Variants in NIPAL3 observed in about 807,000 individuals in gnomAD.
NIPAL3 encodes NIPA-like protein 3.
A neutral mutation model predicts 47.2 loss-of-function variants in NIPAL3; 41 were observed. That is an observed-to-expected ratio of 0.87 (90% confidence interval 0.68 to 1.13). NIPAL3 has a LOEUF of 1.13. NIPAL3 is among the 50% of genes most tolerant of loss of function. The pLI is 0.00. For synonymous variants in NIPAL3, 194 were observed against 209.6 expected (o/e 0.93, Z 0.64); for missense variants, 449 against 530.1 (o/e 0.85, Z 1.50).
rs1025012432 is a variant in NIPAL3, at chr1:24,425,281, T to C, written c.93+5641T>C. 4.6e-5 allele frequency among the ~76,000 whole-genome samples: 7 copies of C among 151,902 alleles called. No homozygotes were observed. In the South Asian group the frequency reaches 1.5e-3, roughly 32 times the overall value. On this transcript the variant is annotated intron_variant, in intron 2 of 11. Coordinates refer to ENST00000374399, the MANE Select transcript of NIPAL3 (RefSeq NM_020448.5). ...CTTTGAATGCAGCCCAACACAAATTTATAAACTTTCTTAAAACATTATGAG... is the reference window on the plus strand; with the variant it reads ...CTTTGAATGCAGCCCAACACAAATTCATAAACTTTCTTAAAACATTATGAG...
chr1:24,429,344 C>A (rs1021354816), intron 2 of NIPAL3, among the ~76,000 whole-genome samples: 1 of 5,024 alleles, frequency 2.0e-4, no homozygotes, highest in Admixed American at 2.0e-3. Context: ...CCATTTCTGG[C>A]AAATTTAAAC....
chr1:24,413,832 A>C (rs957322600), upstream of NIPAL3: 1 of 152,232 alleles, frequency 6.6e-6, no homozygotes, highest in Non-Finnish European at 1.5e-5. Flanking sequence ...TTGACCAATC[A>C]TTAGAGGCGT....
intron 2 of NIPAL3, among the ~76,000 whole-genome samples, chr1:24,430,362 T>G (rs1644825070): frequency 6.6e-6 from 1 of 151,970 alleles, no homozygotes; most frequent in African/African-American, 2.4e-5. Context: ...GTGATTCTCC[T>G]GCCTCAGCCT....
At chr1:24,440,502 G>A (rs1645329385) in intron 3 of NIPAL3, among the ~76,000 whole-genome samples, 1 of 152,128 alleles carries the variant, frequency 6.6e-6, no homozygotes, top group African/African-American at 2.4e-5. Flanking sequence ...CTCTGGCTCT[G>A]GTCTCATCCC....
chr1:24,430,753 T>C (rs898645611), intron 2 of NIPAL3, among the ~76,000 whole-genome samples: 36 of 152,250 alleles, frequency 2.4e-4, no homozygotes, highest in Admixed American at 2.2e-3. Context: ...CATTGTCGAT[T>C]ATGCCTGTAA....
rs758450362 is a variant in NIPAL3 at position 24,469,151 on chromosome 1, C to T, written c.1187C>T (p.Pro396Leu). 5 of 1,613,964 alleles carry T rather than the reference C, an allele frequency of 3.1e-6. No homozygotes were observed. The African/African-American group carries it at 5.3e-5, about 17-fold the overall frequency. The change falls in exon 12 of 12, where the codon CCC becomes CTC. Residue 396 changes from proline to leucine, a missense_variant. By Grantham distance (98) the Pro-to-Leu change is moderately conservative. Coordinates refer to ENST00000374399, the MANE Select transcript of NIPAL3 (RefSeq NM_020448.5). ...GGCTCCAGAAGTGCCTCTGGGGTCC[C>T]CTACCGAGTCCTAGAGCACACCAAG... ...EHGSRSASGV[P>L]YRVLEHTKKE is the part of the protein sequence containing the mutation.
At chr1:24,452,056 T>G (rs1339263980) in intron 6 of NIPAL3, among the ~76,000 whole-genome samples, 2 of 152,038 alleles carry the variant, frequency 1.3e-5, no homozygotes, top group Admixed American at 6.6e-5. Context: ...TGTTTCTGGG[T>G]TTTTTTTATA....
intron 3 of NIPAL3, among the ~76,000 whole-genome samples, chr1:24,440,689 A>G (rs1033371463): frequency 1.3e-5 from 2 of 152,212 alleles, no homozygotes; most frequent in African/African-American, 2.4e-5. Flanking sequence ...TGTGGTGTGT[A>G]GCAAGTTGAT....
At chr1:24,421,441 G>A (rs1178523652) in intron 2 of NIPAL3, among the ~76,000 whole-genome samples, 1 of 152,198 alleles carries the variant, frequency 6.6e-6, no homozygotes, top group South Asian at 2.1e-4. Context: ...CCTCTCATTT[G>A]ATGGACTGGA....
At position 24,456,209 on chromosome 1, in the gene NIPAL3, C is replaced by T. The variant is rs765130708; in HGVS notation, c.709C>T (p.Leu237Phe). The T allele has an allele frequency of 3.1e-6, 5 of 1,614,104 alleles. No individual in the cohort carries two copies. The highest frequency in any genetic ancestry group is 1.3e-5 in the African/African-American group (1 of 74,946). ...LVLSIQGNLQ[L>F]DYPIFYVMFV... ...CTTGTCCATTCAAGGGAACCTGCAG[C>T]TTGACTACCCCATCTTCTACGTGAT... Residue 237 changes from leucine (L) to phenylalanine (F), a missense_variant, in exon 8 of 12, where the codon CTT becomes TTT. By Grantham distance (22) the Leu-to-Phe change is conservative. Transcript: ENST00000374399.
chr1:24,450,452 C>T (rs61773986), intron 6 of NIPAL3, among the ~76,000 whole-genome samples: 2,761 of 152,264 alleles, frequency 0.018, 28 homozygotes, highest in Non-Finnish European at 0.029. Flanking sequence ...CTAACCCCTC[C>T]GCCAGAGCTC....
In NIPAL3 at chr1:24,449,690, GA is replaced by G; in HGVS notation, c.540+67del. 1 of 1,544,886 alleles carries G rather than the reference GA, an allele frequency of 6.5e-7. No individual in the cohort carries two copies. The highest frequency in any genetic ancestry group is 8.8e-7 in the Non-Finnish European group (1 of 1,140,400). On this transcript the variant is annotated intron_variant, in intron 6 of 11. Transcript: ENST00000374399. This position sits in a 1 kb window ranked among gnomAD's most constrained non-coding sequence, Gnocchi z 4.5. ...GAGGGAGATCAAGTCCTAGAAACCA[GA>G]AACGTGAATACCCAGCAATAGGGGA... is the stretch of plus-strand genomic sequence containing the variant.
At chr1:24,467,472 G>A (rs771135163) in intron 11 of NIPAL3, among the ~76,000 whole-genome samples, 3 of 151,952 alleles carry the variant, frequency 2.0e-5, no homozygotes, top group African/African-American at 7.3e-5. Flanking sequence ...GTGAGACTCC[G>A]TCTCAAAAAA....
intron 2 of NIPAL3, among the ~76,000 whole-genome samples, chr1:24,421,296 G>A (rs1277790807): frequency 6.6e-6 from 1 of 152,068 alleles, no homozygotes; most frequent in African/African-American, 2.4e-5. Flanking sequence ...AGATTGCAGT[G>A]AGCCAAGATT....
chr1:24,458,993 G>A lies in NIPAL3; in HGVS notation c.862+17G>A. 6.2e-7 allele frequency: 1 copy of A among 1,609,518 alleles called. No individual in the cohort carries two copies. The highest frequency in any genetic ancestry group is 1.1e-5 in the South Asian group (1 of 90,974). On this transcript the variant is annotated intron_variant, in intron 9 of 11. Coordinates refer to ENST00000374399, the MANE Select transcript of NIPAL3 (RefSeq NM_020448.5). ...TCACAGCAGGTAAGGGTGACCCATT[G>A]CTAGATTTCTGTCTTCTACTTTAGC... is the stretch of plus-strand genomic sequence containing the variant.
At position 24,464,048 on chromosome 1, in the gene NIPAL3, G is replaced by A. The variant is rs776518295; in HGVS notation, c.949G>A (p.Val317Ile). 1.6e-5 allele frequency: 25 copies of A among 1,611,664 alleles called. No homozygotes were observed. Among genetic ancestry groups the A allele is most frequent in the African/African-American group, 8.0e-5 (6 of 74,836 alleles). The change falls in exon 11 of 12, where the codon GTC (valine) becomes ATC (isoleucine). Residue 317 changes from valine to isoleucine, a missense_variant. Transcript: ENST00000374399. ...ALGCLIAFLG[V>I]FLITRNRKKP... ...CAGGTGCCTCATTGCATTCTTGGGCGTCTTCTTAATCACGCGTAACAGGAA... is the reference window on the plus strand; with the variant it reads ...CAGGTGCCTCATTGCATTCTTGGGCATCTTCTTAATCACGCGTAACAGGAA...
At chr1:24,417,535 A>G (rs1557477582) in intron 1 of NIPAL3, among the ~76,000 whole-genome samples, 1 of 152,236 alleles carries the variant, frequency 6.6e-6, no homozygotes, top group Non-Finnish European at 1.5e-5. Context: ...AGGGTTTTAC[A>G]GGCAGGGAAG....
intron 3 of NIPAL3, among the ~76,000 whole-genome samples, chr1:24,440,992 C>T (rs1291008884): frequency 6.6e-6 from 1 of 152,214 alleles, no homozygotes; most frequent in Non-Finnish European, 1.5e-5. Flanking sequence ...CTCACTTTCC[C>T]CTTCCCTTAC....
chr1:24,438,220 C>T (rs1290024920), intron 2 of NIPAL3, among the ~76,000 whole-genome samples: 1 of 152,214 alleles, frequency 6.6e-6, no homozygotes, highest in Admixed American at 6.5e-5. Context: ...CGTGTTCTGC[C>T]TGCAGGTGGC....
Sources: allele counts gnomAD v4.1 joint callset (sites outside exome capture counted in the v4.1 genomes callset), GRCh38; gene constraint gnomAD v4.1.1; non-coding constraint Gnocchi (gnomAD v3.1); transcripts MANE v1.5; gene names NCBI Gene and HGNC (gene_info 2026-07-23, HGNC 2026-07-21).